Variants in ARHGEF3 observed in about 807,000 individuals in gnomAD.
ARHGEF3 encodes 59.8 kDA protein.
A neutral mutation model predicts 63.2 loss-of-function variants in ARHGEF3; 28 were observed. That is an observed-to-expected ratio of 0.44 (90% confidence interval 0.33 to 0.61). The LOEUF (loss-of-function observed/expected upper bound fraction) is 0.61, where lower values mean the gene tolerates loss of function less well. Among genes scored for constraint, ARHGEF3 ranks in the 20% least tolerant of loss-of-function variants. The pLI is 0.03. For missense variants in ARHGEF3, 533 were observed against 659.3 expected (o/e 0.81, Z 2.10); for synonymous variants, 266 against 254.2 (o/e 1.05, Z -0.44).
At chr3:57,007,044 C>T in intron 2 of ARHGEF3, 2 of 758,808 alleles carry the variant, frequency 2.6e-6, no homozygotes, top group South Asian at 2.1e-5. Context: ...GCGATGGTCA[C>T]ACTGTGCTCC....
At chr3:56,730,903 C>T (rs28641188) in intron 9 of ARHGEF3, among the ~76,000 whole-genome samples, 48,006 of 151,978 alleles carry the variant, frequency 0.32, 8,445 homozygotes, top group South Asian at 0.51. Flanking sequence ...AGCTATTCTC[C>T]GTCCTTCAAA....
chr3:56,826,363 T>C (rs965235014), intron 4 of ARHGEF3, among the ~76,000 whole-genome samples: 2 of 152,218 alleles, frequency 1.3e-5, no homozygotes, highest in Admixed American at 6.5e-5. Context: ...AAAGAGACTC[T>C]ACCACATAAA....
rs139534718 is a variant in ARHGEF3, at chr3:57,021,166, C to T, written c.62+13922G>A. 1.7e-4 allele frequency among the ~76,000 whole-genome samples: 26 copies of T among 152,238 alleles called. No homozygotes were observed. In the East Asian group the frequency reaches 5.0e-3, roughly 29 times the overall value. On this transcript the variant is annotated intron_variant, in intron 2 of 12. Coordinates refer to the ARHGEF3 transcript ENST00000338458. Reference sequence around the variant, plus strand: ...AAACATAGACACCTGTGGTTCACCCCAGGAATGAAAGGATGGGTCAACATT... The same window carrying T: ...AAACATAGACACCTGTGGTTCACCCTAGGAATGAAAGGATGGGTCAACATT...
At chr3:57,054,325 T>C (rs901563544) in intron 1 of ARHGEF3, among the ~76,000 whole-genome samples, 1 of 152,112 alleles carries the variant, frequency 6.6e-6, no homozygotes, top group African/African-American at 2.4e-5. Context: ...TCAAGTCTTT[T>C]ATCCTTTTAA....
intron 1 of ARHGEF3, among the ~76,000 whole-genome samples, chr3:57,052,345 G>A (rs1226272973): frequency 2.0e-5 from 3 of 151,962 alleles, no homozygotes; most frequent in Non-Finnish European, 4.4e-5. Flanking sequence ...CACCCAGGCT[G>A]GAGTGCAGTG....
chr3:57,035,064 T>C, intron 2 of ARHGEF3: 2 of 1,508,594 alleles, frequency 1.3e-6, no homozygotes, highest in Non-Finnish European at 1.8e-6. Flanking sequence ...TTTTTAATTA[T>C]TTAGGTTATT....
At chr3:56,974,485 C>T (rs1701045700) in intron 2 of ARHGEF3, among the ~76,000 whole-genome samples, 1 of 152,196 alleles carries the variant, frequency 6.6e-6, no homozygotes, top group African/African-American at 2.4e-5. Context: ...CCTAAGCTCA[C>T]TGTCAGCTGG....
chr3:56,809,170 T>C (rs760096409), intron 4 of ARHGEF3, among the ~76,000 whole-genome samples: 1 of 152,100 alleles, frequency 6.6e-6, no homozygotes, highest in Non-Finnish European at 1.5e-5. Flanking sequence ...GTTGGCTGAA[T>C]AACAAATTCC....
chr3:57,040,728 C>T (rs1579148347), intron 1 of ARHGEF3, among the ~76,000 whole-genome samples: 1 of 152,098 alleles, frequency 6.6e-6, no homozygotes, highest in East Asian at 1.9e-4. Flanking sequence ...TAATAAATGG[C>T]TCTGCCTGCT....
intron 3 of ARHGEF3, among the ~76,000 whole-genome samples, chr3:56,932,711 C>A (rs2042446907): frequency 1.3e-5 from 2 of 152,146 alleles, no homozygotes; most frequent in African/African-American, 4.8e-5. Flanking sequence ...CATAAATAAA[C>A]AAACTGCTTT....
At chr3:56,949,976 G>A (rs1396674261) in intron 3 of ARHGEF3, among the ~76,000 whole-genome samples, 8 of 151,886 alleles carry the variant, frequency 5.3e-5, no homozygotes, top group African/African-American at 1.9e-4. Context: ...AAATAATGCC[G>A]CATATCTACA....
intron 3 of ARHGEF3, among the ~76,000 whole-genome samples, chr3:56,913,882 A>T (rs1035149022): frequency 1.3e-5 from 2 of 152,176 alleles, no homozygotes; most frequent in African/African-American, 4.8e-5. Context: ...ATCATGGAAC[A>T]CCCATCAATC....
At chr3:56,993,920 C>T (rs939558155) in intron 2 of ARHGEF3, among the ~76,000 whole-genome samples, 8 of 150,834 alleles carry the variant, frequency 5.3e-5, no homozygotes, top group South Asian at 2.1e-4. Context: ...AAAAATTAGC[C>T]GGGCGTGGTG....
intron 3 of ARHGEF3, among the ~76,000 whole-genome samples, chr3:56,924,295 G>A (rs2042223730): frequency 6.6e-6 from 1 of 152,196 alleles, no homozygotes; most frequent in South Asian, 2.1e-4. Context: ...CATTGTCTAA[G>A]AGGAAAGCAG....
At chr3:56,951,306 A>G (rs1699801291) in intron 3 of ARHGEF3, among the ~76,000 whole-genome samples, 1 of 151,890 alleles carries the variant, frequency 6.6e-6, no homozygotes, top group Admixed American at 6.6e-5. Context: ...GAAAAAAAAG[A>G]AAGAAATTGC....
chr3:56,794,027 A>T (rs1309936361), intron 1 of ARHGEF3, among the ~76,000 whole-genome samples: 1 of 152,218 alleles, frequency 6.6e-6, no homozygotes, highest in African/African-American at 2.4e-5. Flanking sequence ...GGAAAGAGAT[A>T]GGACAGTATG....
intron 3 of ARHGEF3, among the ~76,000 whole-genome samples, chr3:56,883,610 T>C (rs1198010917): frequency 6.6e-6 from 1 of 152,200 alleles, no homozygotes; most frequent in Non-Finnish European, 1.5e-5. Flanking sequence ...TTCTTTTCAT[T>C]AGAAGAAAAT....
At chr3:57,046,472 T>G (rs1704458582) in intron 1 of ARHGEF3, among the ~76,000 whole-genome samples, 1 of 152,222 alleles carries the variant, frequency 6.6e-6, no homozygotes, top group African/African-American at 2.4e-5. Context: ...AAATGTCAGC[T>G]GAGAAAGACC....
At chr3:56,789,877 TG>T (rs1439767423) in intron 1 of ARHGEF3, among the ~76,000 whole-genome samples, 2 of 152,194 alleles carry the variant, frequency 1.3e-5, no homozygotes, top group Non-Finnish European at 2.9e-5. Context: ...TATCAAGTGA[TG>T]GGGAGGTGTT....
Sources: gnomAD v4.1 joint callset for allele counts (sites outside exome capture counted in the v4.1 genomes callset) on GRCh38, gnomAD v4.1.1 for gene constraint, MANE v1.5 for transcripts, NCBI Gene and HGNC (gene_info 2026-07-23, HGNC 2026-07-21) for gene names.